Variants in SMAD3 observed in about 807,000 individuals in gnomAD.
SMAD3 encodes the protein SMAD family member 3.
Under a neutral mutation model 51.8 loss-of-function variants are expected in SMAD3, and 12 were observed. That is an observed-to-expected ratio of 0.23 (90% CI 0.15 to 0.38). SMAD3 has a LOEUF of 0.38. SMAD3 is among the 10% of genes least tolerant of loss of function. SMAD3 has a pLI of 1.00. For missense variants in SMAD3, 294 were observed against 565.6 expected (o/e 0.52, Z 4.87); for synonymous variants, 238 against 227.7 (o/e 1.05, Z -0.41).
chr15:67,116,110 T>C (rs1159096796), intron 1 of SMAD3, among the ~76,000 whole-genome samples: 1 of 152,256 alleles, frequency 6.6e-6, no homozygotes, highest in Non-Finnish European at 1.5e-5. Context: ...TTATCTCAGC[T>C]GGCCTTTGCT....
intron 1 of SMAD3, among the ~76,000 whole-genome samples, chr15:67,141,860 C>T (rs11855132): frequency 0.014 from 2,061 of 152,244 alleles, 44 homozygotes; most frequent in East Asian, 0.058. Flanking sequence ...AAAGCCGATA[C>T]AAACTCTAAG....
chr15:67,194,729 C>A lies in SMAD3; in HGVS notation c.*4193C>A. 1 of 232,406 alleles carries A rather than the reference C, an allele frequency of 4.3e-6. No homozygotes were observed. Among genetic ancestry groups the A allele is most frequent in the Non-Finnish European group, 8.5e-6 (1 of 117,202 alleles). 14.4% of individuals were successfully genotyped at this position (232,406 alleles called of 1,614,324 possible). A position where few individuals can be genotyped will look rare whatever the true frequency, so the allele number is the denominator to read the frequency against. ...CAGCATCCAGAAACACCAAACCAGG[C>A]TGGCTAAACAAGTGGCCGCGTGTAA... On this transcript the variant is annotated 3_prime_UTR_variant, in exon 9 of 9. Transcript: ENST00000327367.
intron 1 of SMAD3, among the ~76,000 whole-genome samples, chr15:67,135,216 G>C (rs1010603636): frequency 1.3e-5 from 2 of 152,192 alleles, no homozygotes; most frequent in African/African-American, 4.8e-5. Flanking sequence ...TGGGTTTGTA[G>C]GGGAGAGAGG....
intron 1 of SMAD3, among the ~76,000 whole-genome samples, chr15:67,081,195 G>A (rs1960273380): frequency 2.0e-5 from 3 of 152,106 alleles, no homozygotes; most frequent in Admixed American, 1.3e-4. Context: ...CCACAGACAC[G>A]CGGAGGCATG....
intron 1 of SMAD3, among the ~76,000 whole-genome samples, chr15:67,151,244 T>G (rs1212395735): frequency 3.3e-5 from 5 of 152,174 alleles, no homozygotes; most frequent in Admixed American, 6.5e-5. Context: ...TAAGCCTGTT[T>G]TCTTTTCTTT....
intron 1 of SMAD3, among the ~76,000 whole-genome samples, chr15:67,103,956 A>G (rs890053662): frequency 3.3e-5 from 5 of 152,196 alleles, no homozygotes; most frequent in African/African-American, 1.2e-4. Flanking sequence ...GTTGACGTTC[A>G]AGGGTAGTTG....
At chr15:67,119,156 G>C (rs1030401345) in intron 1 of SMAD3, among the ~76,000 whole-genome samples, 3 of 152,220 alleles carry the variant, frequency 2.0e-5, no homozygotes, top group Admixed American at 2.0e-4. Context: ...TGCAGGGAGA[G>C]ACAGAGGAAA....
chr15:67,087,753 G>A (rs777139376), intron 1 of SMAD3, among the ~76,000 whole-genome samples: 2 of 152,186 alleles, frequency 1.3e-5, no homozygotes, highest in African/African-American at 2.4e-5. Context: ...GGGGGAGGTG[G>A]CAGAGGCATT....
At position 67,098,624 on chromosome 15, in the gene SMAD3, G is replaced by C. The variant is rs185101832; in HGVS notation, c.206+32264G>C. Reference sequence around the variant, plus strand: ...CAGAGTACATTTGAGGCCCAGATCTGCTTATTTCGAGGGTGGGGCCGCGTT... The same window carrying C: ...CAGAGTACATTTGAGGCCCAGATCTCCTTATTTCGAGGGTGGGGCCGCGTT... On this transcript the variant is annotated intron_variant, in intron 1 of 8. Coordinates refer to ENST00000327367, the MANE Select transcript of SMAD3 (RefSeq NM_005902.4). The C allele has an allele frequency of 3.8e-4, 199 of 521,128 alleles. No individual in the cohort carries two copies. In the East Asian group the frequency reaches 5.2e-3, roughly 14 times the overall value. The allele number at this position is 521,128 out of a possible 1,614,324, so 32.3% of individuals were successfully genotyped here.
intron 1 of SMAD3, among the ~76,000 whole-genome samples, chr15:67,125,195 A>G (rs1446129355): frequency 3.3e-5 from 5 of 152,136 alleles, no homozygotes; most frequent in Non-Finnish European, 7.4e-5. Context: ...TCCCCTCTGG[A>G]CAGTTCTTGC....
intron 1 of SMAD3, among the ~76,000 whole-genome samples, chr15:67,140,510 A>G (rs1308317305): frequency 2.0e-5 from 3 of 152,250 alleles, no homozygotes; most frequent in Non-Finnish European, 2.9e-5. Flanking sequence ...CTGAGAAACT[A>G]TGCAGAGAGC....
At chr15:67,094,353 T>TCATCCCAC (rs1960571016) in intron 1 of SMAD3, among the ~76,000 whole-genome samples, 1 of 152,200 alleles carries the variant, frequency 6.6e-6, no homozygotes, top group African/African-American at 2.4e-5. Flanking sequence ...TCTGGGCCCC[T>TCATCCCAC]CATCCCACCA....
intron 1 of SMAD3, among the ~76,000 whole-genome samples, chr15:67,097,317 C>T (rs777463582): frequency 5.9e-5 from 9 of 152,256 alleles, no homozygotes; most frequent in South Asian, 2.1e-4. Flanking sequence ...CCAGCTCAAG[C>T]GATCTTCCCA....
chr15:67,168,280 G>A (rs1026798703), intron 4 of SMAD3, among the ~76,000 whole-genome samples: 17 of 152,326 alleles, frequency 1.1e-4, no homozygotes, highest in African/African-American at 3.8e-4. Context: ...AAAGAGACTC[G>A]CATGTACATT....
intron 3 of SMAD3, chr15:67,166,235 G>A (rs541876358): frequency 2.1e-6 from 2 of 963,034 alleles, no homozygotes; most frequent in Admixed American, 5.0e-5. Context: ...ATCTTGGAGG[G>A]CTTCAGTCAG....
intron 1 of SMAD3, among the ~76,000 whole-genome samples, chr15:67,143,509 A>G (rs775434018): frequency 4.6e-5 from 7 of 152,224 alleles, no homozygotes; most frequent in Admixed American, 6.5e-5. Context: ...ATCTCAGCTC[A>G]CTGGAACCTC....
chr15:67,177,678 C>T (rs1253951074), intron 5 of SMAD3, among the ~76,000 whole-genome samples: 1 of 151,856 alleles, frequency 6.6e-6, no homozygotes, highest in African/African-American at 2.4e-5. Flanking sequence ...CTGCCTTGGC[C>T]TCCCAAAGTG....
chr15:67,179,263 G>T (rs1214726432), intron 5 of SMAD3, among the ~76,000 whole-genome samples: 1 of 152,172 alleles, frequency 6.6e-6, no homozygotes, highest in African/African-American at 2.4e-5. Flanking sequence ...TTTTCAACTG[G>T]AGGCCGTTTT....
chr15:67,092,113 A>G (rs12442353), intron 1 of SMAD3, among the ~76,000 whole-genome samples: 88,339 of 151,862 alleles, frequency 0.58, 26,014 homozygotes, highest in East Asian at 0.79. Flanking sequence ...CCTACCCACT[A>G]CTTGCTGTGA....
Sources: gnomAD v4.1 joint callset for allele counts (sites outside exome capture counted in the v4.1 genomes callset) on GRCh38, gnomAD v4.1.1 for gene constraint, MANE v1.5 for transcripts, NCBI Gene and HGNC (gene_info 2026-07-23, HGNC 2026-07-21) for gene names.